Variants in MPP2 observed in about 807,000 individuals in gnomAD.
The protein encoded by MPP2 is MAGUK p55 subfamily member 2.
MPP2 carries 42 observed loss-of-function variants against 58.5 expected under a neutral mutation model. That is an observed-to-expected ratio of 0.72 (90% CI 0.56 to 0.93). The LOEUF is 0.93. Among genes scored for constraint, MPP2 ranks in the 40% least tolerant of loss-of-function variants. MPP2 has a pLI of 0.00. For missense variants in MPP2, 632 were observed against 760.4 expected, an observed-to-expected ratio of 0.83 and a Z score of 1.99; for synonymous variants, 300 against 307.8, an observed-to-expected ratio of 0.97 and a Z score of 0.26.
intron 3 of MPP2, among the ~76,000 whole-genome samples, chr17:43,888,216 A>G (rs553066589): frequency 6.6e-6 from 1 of 152,292 alleles, no homozygotes; most frequent in South Asian, 2.1e-4. Flanking sequence ...CAAACAGGCC[A>G]GGGAACAGCA....
At position 43,879,249 on chromosome 17, in the gene MPP2, C is replaced by T; in HGVS notation, c.1482+26G>A. On this transcript the variant is annotated intron_variant, in intron 12 of 12. Coordinates refer to ENST00000269095, the MANE Select transcript of MPP2 (RefSeq NM_005374.5). This position sits in a 1 kb window ranked among gnomAD's most constrained non-coding sequence, Gnocchi z 4.1. ...CACCACCCTAGGCAGCTATCAGACC[C>T]CTCCCCCACACCTCAGAGCCCTCAC... 1.3e-6 allele frequency: 2 copies of T among 1,597,084 alleles called. No homozygotes were observed. Among genetic ancestry groups the T allele is most frequent in the Non-Finnish European group, 1.7e-6 (2 of 1,167,244 alleles).
Position 43,879,430 on chromosome 17 carries a change from A to AGTATATC in MPP2, c.1354-34_1354-28dup, listed in dbSNP as rs747182667. 68 of 1,613,028 alleles carry AGTATATC rather than the reference A, an allele frequency of 4.2e-5. No individual in the cohort carries two copies. Among genetic ancestry groups the AGTATATC allele is most frequent in the Middle Eastern group, 1.7e-4 (1 of 6,052 alleles). ...TGCAGAAGGAGAAGGCAAGGTAGGG[A>AGTATATC]GTATATCCCCATGTCTGTCCTAGGA... is the stretch of plus-strand genomic sequence containing the variant. On this transcript the variant is annotated intron_variant, in intron 11 of 12. Transcript: ENST00000269095. The surrounding 1 kb of genome is among the most constrained non-coding windows in gnomAD (Gnocchi z 4.1).
chr17:43,881,472 CA>C lies in MPP2; in HGVS notation c.798del (p.Asp266GlufsTer37). On this transcript the variant is annotated frameshift_variant, in exon 7 of 13. Coordinates refer to ENST00000269095, the MANE Select transcript of MPP2 (RefSeq NM_005374.5). LOFTEE classifies it high-confidence loss of function. ...GDLLQIVNQD[D>X]ANWWQACHVE... The stretch of plus-strand genomic sequence containing the variant: ...CCGCAGCTCACCTGCCACCAGTTGG[CA>C]TCATCCTGGTTTACGATCTGGAGCA... 4 of 1,614,106 alleles carry C rather than the reference CA, an allele frequency of 2.5e-6. No individual in the cohort carries two copies. The highest frequency in any genetic ancestry group is 3.4e-6 in the Non-Finnish European group (4 of 1,179,986).
chr17:43,897,496 CA>C (rs914805403), intron 3 of MPP2, among the ~76,000 whole-genome samples: 1 of 139,182 alleles, frequency 7.2e-6, no homozygotes, highest in Non-Finnish European at 1.6e-5. Flanking sequence ...CAAAACAAAA[CA>C]AAAAAAACCA....
chr17:43,892,280 A>T (rs2047639086), intron 3 of MPP2, among the ~76,000 whole-genome samples: 1 of 152,196 alleles, frequency 6.6e-6, no homozygotes, highest in Non-Finnish European at 1.5e-5. Context: ...AACAGCTACC[A>T]CATGTGGCTC....
At chr17:43,907,345 G>A (rs2048331211) in intron 1 of MPP2, 129 bp downstream of exon 1, 1 of 985,750 alleles carries the variant, frequency 1.0e-6, no homozygotes, top group Non-Finnish European at 1.2e-6. Flanking sequence ...GACAGGGAGG[G>A]AACGGGCCTG....
chr17:43,897,747 T>C (rs1376631128), intron 3 of MPP2, among the ~76,000 whole-genome samples: 1 of 152,200 alleles, frequency 6.6e-6, no homozygotes, highest in Admixed American at 6.5e-5. Context: ...TCAGCTCAAG[T>C]GGTCCTTCCT....
At chr17:43,901,163 G>C (rs544021756) in intron 2 of MPP2, 15 of 697,616 alleles carry the variant, frequency 2.2e-5, no homozygotes, top group South Asian at 6.4e-5. Flanking sequence ...CTTGGGCATG[G>C]GGCAAATACC....
At chr17:43,907,609 G>T, upstream of MPP2, 1 of 985,576 alleles carries the variant, frequency 1.0e-6, no homozygotes. Context: ...CGGAGGAGAG[G>T]GGAGGTGAGG....
In MPP2 at chr17:43,906,158, C is replaced by G. The variant is rs1279262898; in HGVS notation, c.-34+1316G>C. On this transcript the variant is annotated intron_variant, in intron 1 of 12. Coordinates refer to ENST00000269095, the MANE Select transcript of MPP2 (RefSeq NM_005374.5). ...CTCCAGAAGTCCTCCTTCCCTAGAG[C>G]GTGGAGGGCGGGAAAAGGCAGGGAG... The G allele has an allele frequency of 3.1e-6, 3 of 983,118 alleles. No individual in the cohort carries two copies. In the South Asian group the frequency reaches 1.4e-4, roughly 46 times the overall value. 60.9% of individuals were successfully genotyped at this position (983,118 alleles called of 1,614,324 possible).
Position 43,880,548 on chromosome 17 carries a change from A to G in MPP2, c.1150+143T>C. ...GCCTGAAGTTCCCCTAACCACCCAC[A>G]GAGGGCGTGCACCCCAACCCGTGTA... On this transcript the variant is annotated intron_variant, in intron 10 of 12. Transcript: ENST00000269095. This position sits in a 1 kb window ranked among gnomAD's most constrained non-coding sequence, Gnocchi z 5.2. 1 of 898,162 alleles carries G rather than the reference A, an allele frequency of 1.1e-6. No individual in the cohort carries two copies. Among genetic ancestry groups the G allele is most frequent in the Non-Finnish European group, 1.6e-6 (1 of 632,828 alleles). 55.6% of individuals were successfully genotyped at this position (898,162 alleles called of 1,614,324 possible).
At position 43,907,519 on chromosome 17, in the gene MPP2, G is replaced by T. The variant is rs1313381031; in HGVS notation, c.-79C>A. On this transcript the variant is annotated 5_prime_UTR_variant, in exon 1 of 13. Transcript: ENST00000269095. The stretch of plus-strand genomic sequence containing the variant: ...AGCTCCGGGCGGCTCCAGCGCAGCC[G>T]GGCGCTCAGCGTTTATTGCTTGTCA... 4.1e-6 allele frequency: 4 copies of T among 985,532 alleles called. No individual in the cohort carries two copies. The highest frequency in any genetic ancestry group is 4.7e-5 in the South Asian group (1 of 21,294). The allele number at this position is 985,532 out of a possible 1,614,324, so 61.0% of individuals were successfully genotyped here. A position where few individuals can be genotyped will look rare whatever the true frequency, so the allele number is the denominator to read the frequency against.
rs1035539299 is a variant in MPP2 at position 43,901,584 on chromosome 17, T to A, written c.31+2846A>T. Reference sequence around the variant, plus strand: ...GGTCGCATTGCACCCCTGGTTGCCATGACAGTAGAATTACACACCAGGACA... The same window carrying A: ...GGTCGCATTGCACCCCTGGTTGCCAAGACAGTAGAATTACACACCAGGACA... On this transcript the variant is annotated intron_variant, in intron 2 of 12. Coordinates refer to ENST00000269095, the MANE Select transcript of MPP2 (RefSeq NM_005374.5). 24 of 985,378 alleles carry A rather than the reference T, an allele frequency of 2.4e-5. No homozygotes were observed. The East Asian group carries it at 2.6e-3, about 107-fold the overall frequency. 61.0% of individuals were successfully genotyped at this position (985,378 alleles called of 1,614,324 possible).
chr17:43,883,058 G>A lies in MPP2; in HGVS notation c.304-6C>T. Reference sequence around the variant, plus strand: ...TCGTGCGTCTCCAGGAGGGACTGGGGGGTGGTGGGAAGAGAAGGGACAATG... The same window carrying A: ...TCGTGCGTCTCCAGGAGGGACTGGGAGGTGGTGGGAAGAGAAGGGACAATG... On this transcript the variant is annotated splice_region_variant and splice_polypyrimidine_tract_variant and intron_variant, in intron 4 of 12. Coordinates refer to ENST00000269095, the MANE Select transcript of MPP2 (RefSeq NM_005374.5). 2 of 1,609,506 alleles carry A rather than the reference G, an allele frequency of 1.2e-6. No individual in the cohort carries two copies. The highest frequency in any genetic ancestry group is 1.7e-6 in the Non-Finnish European group (2 of 1,177,870).
chr17:43,879,914 C>T lies in MPP2; in HGVS notation c.1221G>A (p.Met407Ile), dbSNP rs1210974275. ...AGCGCCCAGCACGGACGTCAGCCTC[C>T]ATCTCCCCACGGGACACAAAGCTGT... Reference protein sequence around the residue: ...QGYSFVSRGEMEADVRAGRYL... With the variant: ...QGYSFVSRGEIEADVRAGRYL... The change falls in exon 11 of 13, where the codon ATG (methionine) becomes ATA (isoleucine). Residue 407 changes from methionine to isoleucine, a missense_variant. Met to Ile is a conservative substitution (Grantham distance 10, BLOSUM62 1). Transcript: ENST00000269095. This position sits in a 1 kb window ranked among gnomAD's most constrained non-coding sequence, Gnocchi z 4.1. The T allele has an allele frequency of 1.2e-6, 2 of 1,613,974 alleles. No homozygotes were observed. Among genetic ancestry groups the T allele is most frequent in the Non-Finnish European group, 1.7e-6 (2 of 1,180,010 alleles).
chr17:43,900,421 T>C lies in MPP2; in HGVS notation c.32-2041A>G. On this transcript the variant is annotated intron_variant, in intron 2 of 12. Coordinates refer to ENST00000269095, the MANE Select transcript of MPP2 (RefSeq NM_005374.5). ...ATGCCCCGACTCTGCTGGAGGAAGG[T>C]AGGCTAAGGGGCCAGCTGCCCCGCC... 5 of 1,537,568 alleles carry C rather than the reference T, an allele frequency of 3.3e-6. No homozygotes were observed. In the South Asian group the frequency reaches 4.8e-5, roughly 15 times the overall value.
intron 2 of MPP2, 119 bp from the exon 3 acceptor site, chr17:43,898,499 G>GGCAACATTCCCCTTCCCA: frequency 4.9e-6 from 3 of 608,766 alleles, no homozygotes; most frequent in Non-Finnish European, 9.0e-6. Context: ...GCCCCTCCCC[G>GGCAACATTCCCCTTCCCA]GCAACATTCC....
At chr17:43,900,643 G>C in intron 2 of MPP2, 1 of 1,438,550 alleles carries the variant, frequency 7.0e-7, no homozygotes, top group African/African-American at 1.4e-5. Flanking sequence ...TGGGGAAGGC[G>C]GGAGTCGAGG....
chr17:43,902,664 G>A (rs2048141829), intron 2 of MPP2, among the ~76,000 whole-genome samples: 1 of 152,186 alleles, frequency 6.6e-6, no homozygotes, highest in African/African-American at 2.4e-5. Context: ...TCGGAGAGGA[G>A]GCACAGAGGA....
Sources: gnomAD v4.1 joint callset for allele counts (sites outside exome capture counted in the v4.1 genomes callset) on GRCh38, gnomAD v4.1.1 for gene constraint, Gnocchi (gnomAD v3.1) non-coding constraint, MANE v1.5 for transcripts, NCBI Gene and HGNC (gene_info 2026-07-23, HGNC 2026-07-21) for gene names.